ACYP2: variants seen among roughly 807,000 people sequenced by gnomAD.
ACYP2 encodes acylphosphatase-2.
A neutral mutation model predicts 11.2 loss-of-function variants in ACYP2; 12 were observed. That is an observed-to-expected ratio of 1.08 (90% CI 0.69 to 1.74). The LOEUF (loss-of-function observed/expected upper bound fraction) is 1.74, where lower values mean the gene tolerates loss of function less well. Among genes scored for constraint, ACYP2 ranks in the 40% most tolerant of loss-of-function variants. ACYP2 has a pLI of 0.00. For synonymous variants in ACYP2, 43 were observed against 32.2 expected (o/e 1.33, Z -1.13); for missense variants, 134 against 101.9 (o/e 1.31, Z -1.35).
intron 6 of ACYP2, among the ~76,000 whole-genome samples, chr2:54,212,471 G>A (rs972575450): frequency 8.5e-5 from 13 of 152,172 alleles, no homozygotes; most frequent in African/African-American, 3.1e-4. Flanking sequence ...GCTTTACTAG[G>A]ACTGGAAAAA....
At chr2:54,222,749 C>T (rs1458481728) in intron 6 of ACYP2, among the ~76,000 whole-genome samples, 1 of 152,042 alleles carries the variant, frequency 6.6e-6, no homozygotes, top group African/African-American at 2.4e-5. Context: ...TCTACTAATT[C>T]CCCGGCCTTA....
At chr2:54,094,199 A>G (rs911862138) in intron 4 of ACYP2, among the ~76,000 whole-genome samples, 3 of 152,024 alleles carry the variant, frequency 2.0e-5, no homozygotes, top group African/African-American at 7.2e-5. Context: ...TTTGGTAGGC[A>G]GAGAAGAAGA....
intron 4 of ACYP2, among the ~76,000 whole-genome samples, chr2:54,058,421 C>A (rs1269463973): frequency 1.3e-5 from 2 of 151,664 alleles, no homozygotes; most frequent in African/African-American, 4.8e-5. Flanking sequence ...ACACCTATGT[C>A]TTCATTTACA....
intron 6 of ACYP2, among the ~76,000 whole-genome samples, chr2:54,295,456 G>T (rs1431897363): frequency 6.6e-6 from 1 of 152,044 alleles, no homozygotes; most frequent in Non-Finnish European, 1.5e-5. Flanking sequence ...TGTTTTTTGT[G>T]AGTTAATGAG....
At chr2:54,219,682 G>A (rs1298051873) in intron 6 of ACYP2, among the ~76,000 whole-genome samples, 2 of 151,628 alleles carry the variant, frequency 1.3e-5, no homozygotes, top group African/African-American at 2.4e-5. Context: ...GCAGTGAGGC[G>A]ATCTCAGCTC....
intron 6 of ACYP2, among the ~76,000 whole-genome samples, chr2:54,232,253 T>C (rs935535608): frequency 6.6e-6 from 1 of 152,216 alleles, no homozygotes; most frequent in African/African-American, 2.4e-5. Context: ...CAGCAGTTCC[T>C]GACATGACAT....
intron 4 of ACYP2, among the ~76,000 whole-genome samples, chr2:54,076,175 G>C (rs910611202): frequency 6.6e-6 from 1 of 152,202 alleles, no homozygotes; most frequent in Non-Finnish European, 1.5e-5. Flanking sequence ...TTATGTAAGT[G>C]TAAAGAAAGT....
At chr2:54,235,834 C>A (rs1558633234) in intron 6 of ACYP2, among the ~76,000 whole-genome samples, 1 of 152,190 alleles carries the variant, frequency 6.6e-6, no homozygotes, top group Non-Finnish European at 1.5e-5. Context: ...GACCCTGTCT[C>A]AAAACCAACC....
intron 4 of ACYP2, among the ~76,000 whole-genome samples, chr2:54,075,435 T>A (rs553547259): frequency 6.9e-6 from 1 of 144,142 alleles, no homozygotes; most frequent in Non-Finnish European, 1.5e-5. Context: ...GGAAGTGGAG[T>A]TGCAGTGAGC....
At chr2:54,137,365 G>A (rs1189346233) in intron 5 of ACYP2, among the ~76,000 whole-genome samples, 1 of 152,044 alleles carries the variant, frequency 6.6e-6, no homozygotes, top group Non-Finnish European at 1.5e-5. Context: ...ATTATACAGA[G>A]TATTTCATGA....
At chr2:54,236,058 T>C (rs1436811871) in intron 6 of ACYP2, among the ~76,000 whole-genome samples, 4 of 152,146 alleles carry the variant, frequency 2.6e-5, no homozygotes, top group Non-Finnish European at 5.9e-5. Context: ...GTTATCTTTT[T>C]ATTTCCTTCC....
At chr2:54,225,846 TACA>T (rs1406322611) in intron 6 of ACYP2, among the ~76,000 whole-genome samples, 2 of 152,108 alleles carry the variant, frequency 1.3e-5, no homozygotes, top group Admixed American at 1.3e-4. Context: ...TTTCTGAATA[TACA>T]ACAACAGGGA....
chr2:54,010,409 A>G (rs1673293969), intron 2 of ACYP2, among the ~76,000 whole-genome samples: 1 of 151,948 alleles, frequency 6.6e-6, no homozygotes, highest in Admixed American at 6.6e-5. Context: ...GCTTGAACCC[A>G]GGAGGTGGAG....
intron 6 of ACYP2, among the ~76,000 whole-genome samples, chr2:54,303,385 CT>C (rs1689801777): frequency 6.6e-6 from 1 of 150,914 alleles, no homozygotes; most frequent in African/African-American, 2.4e-5. Context: ...GTTGTTAGTG[CT>C]TAATAAATTT....
rs1573448482 is a variant in ACYP2 at position 53,985,542 on chromosome 2, A to G, written c.62+11732A>G. ...TATCTACTTAAATGTTCATAGCAGC[A>G]CTACCCCAAAGAGTCTAAAATACAG... On this transcript the variant is annotated intron_variant, in intron 2 of 6. Coordinates refer to ENST00000607452, the MANE Select transcript of ACYP2 (RefSeq NM_001320586.2). Among the ~76,000 whole-genome samples, 3 of 152,236 alleles carry G rather than the reference A, an allele frequency of 2.0e-5. 1 individual carries two copies. The South Asian group carries it at 6.2e-4, about 32-fold the overall frequency.
rs368018349 is a variant in ACYP2 at position 53,971,142 on chromosome 2, C to T, written c.-216C>T. 2 of 196,168 alleles carry T rather than the reference C, an allele frequency of 1.0e-5. No homozygotes were observed. The highest frequency in any genetic ancestry group is 2.1e-5 in the Non-Finnish European group (2 of 97,544). 12.2% of individuals were successfully genotyped at this position (196,168 alleles called of 1,614,324 possible). A position where few individuals can be genotyped will look rare whatever the true frequency, so the allele number is the denominator to read the frequency against. ...GCGGCAGCTGGAGCCCAACGGGCTGCGCCTTCTTCGCCGTGGGCCCGGCTC... is the reference window on the plus strand; with the variant it reads ...GCGGCAGCTGGAGCCCAACGGGCTGTGCCTTCTTCGCCGTGGGCCCGGCTC... On this transcript the variant is annotated 5_prime_UTR_variant, in exon 1 of 7. Transcript: ENST00000607452.
chr2:53,974,142 C>G (rs1046941886), intron 2 of ACYP2, among the ~76,000 whole-genome samples: 1 of 151,868 alleles, frequency 6.6e-6, no homozygotes, highest in African/African-American at 2.4e-5. Context: ...TCTCGAACTC[C>G]TGACCTCGTG....
chr2:54,108,045 C>T (rs1003428788), intron 4 of ACYP2, among the ~76,000 whole-genome samples: 1 of 152,166 alleles, frequency 6.6e-6, no homozygotes, highest in African/African-American at 2.4e-5. Flanking sequence ...ATTAGTAAAA[C>T]AGATGTCCTG....
chr2:54,251,658 A>G (rs569530347), intron 6 of ACYP2, among the ~76,000 whole-genome samples: 73 of 152,264 alleles, frequency 4.8e-4, no homozygotes, highest in Non-Finnish European at 9.4e-4. Context: ...AAAGGCACTG[A>G]CTGCGTGTGT....
Sources: gnomAD v4.1 joint callset for allele counts (sites outside exome capture counted in the v4.1 genomes callset) on GRCh38, gnomAD v4.1.1 for gene constraint, MANE v1.5 for transcripts, NCBI Gene and HGNC (gene_info 2026-07-23, HGNC 2026-07-21) for gene names.